The following CCDC12 variants were observed in gnomAD, a reference collection of about 807,000 sequenced individuals.
CCDC12 encodes coiled-coil domain-containing protein 12.
CCDC12 carries 28 observed loss-of-function variants against 25.7 expected under a neutral mutation model. That is an observed-to-expected ratio of 1.09 (90% CI 0.81 to 1.50). The LOEUF (loss-of-function observed/expected upper bound fraction) is 1.50. Ranked by LOEUF, CCDC12 falls within the 40% of genes most tolerant of loss-of-function variation. The probability of loss-of-function intolerance (pLI) is 0.00; values close to 1 mark genes in which losing one functional copy is unlikely to be tolerated. For missense variants in CCDC12, 198 were observed against 210.0 expected (o/e 0.94, Z 0.35); for synonymous variants, 75 against 87.7 (o/e 0.86, Z 0.81).
chr3:46,975,854 T>G (rs1203752168), intron 1 of CCDC12, among the ~76,000 whole-genome samples: 1 of 143,448 alleles, frequency 7.0e-6, no homozygotes, highest in Non-Finnish European at 1.5e-5. Flanking sequence ...TTTTTTTTTT[T>G]TTTTTTTTTG....
chr3:46,936,534 G>A (rs2033448574), intron 2 of CCDC12, among the ~76,000 whole-genome samples: 1 of 152,168 alleles, frequency 6.6e-6, no homozygotes, highest in Non-Finnish European at 1.5e-5. Flanking sequence ...TGAAGATTCT[G>A]CGGCTCACTG....
intron 2 of CCDC12, among the ~76,000 whole-genome samples, chr3:46,930,882 C>A (rs1220412432): frequency 1.3e-5 from 2 of 152,160 alleles, no homozygotes; most frequent in Admixed American, 6.5e-5. Context: ...GCAGGCCCCA[C>A]TCCATGCACG....
At chr3:46,961,036 G>T (rs371189987) in intron 1 of CCDC12, among the ~76,000 whole-genome samples, 8 of 151,752 alleles carry the variant, frequency 5.3e-5, no homozygotes, top group Non-Finnish European at 8.8e-5. Flanking sequence ...GTACTATTGT[G>T]GGGGGAAGTG....
intron 4 of CCDC12, 87 bp downstream of exon 4, chr3:46,923,520 G>A: frequency 6.8e-7 from 1 of 1,477,994 alleles, no homozygotes; most frequent in Non-Finnish European, 9.3e-7. Context: ...GTGACGAGAA[G>A]GAATGGGGGG....
intron 2 of CCDC12, among the ~76,000 whole-genome samples, chr3:46,937,338 C>G (rs2107129073): frequency 6.6e-6 from 1 of 152,360 alleles, no homozygotes; most frequent in Middle Eastern, 3.4e-3. Flanking sequence ...CCTTGTCCCA[C>G]TGAAGGCAGG....
chr3:46,971,923 G>T (rs918189027), intron 1 of CCDC12, among the ~76,000 whole-genome samples: 10 of 152,136 alleles, frequency 6.6e-5, no homozygotes, highest in Non-Finnish European at 1.5e-4. Context: ...GACTCAAGGG[G>T]TTTTATCTGG....
intron 1 of CCDC12, among the ~76,000 whole-genome samples, chr3:46,964,713 C>A (rs905390752): frequency 2.6e-5 from 4 of 152,078 alleles, no homozygotes; most frequent in Non-Finnish European, 5.9e-5. Flanking sequence ...GGATTAAGGG[C>A]GGTGCAAGAT....
intron 1 of CCDC12, among the ~76,000 whole-genome samples, chr3:46,956,504 A>AG (rs1307046915): frequency 6.6e-6 from 1 of 152,222 alleles, no homozygotes; most frequent in Non-Finnish European, 1.5e-5. Context: ...CAGGGCAGGC[A>AG]GGATAGGAAG....
At chr3:46,963,654 C>T (rs1314739297) in intron 1 of CCDC12, among the ~76,000 whole-genome samples, 6 of 152,374 alleles carry the variant, frequency 3.9e-5, no homozygotes, top group South Asian at 2.1e-4. Flanking sequence ...GACCGGGTTT[C>T]GCTGTGTTGG....
chr3:46,970,488 G>A (rs1173078399), intron 1 of CCDC12, among the ~76,000 whole-genome samples: 1 of 152,164 alleles, frequency 6.6e-6, no homozygotes, highest in African/African-American at 2.4e-5. Context: ...ACTAGACAGT[G>A]CAGATTAAAG....
At chr3:46,925,610 G>T in intron 2 of CCDC12, 75 bp from the exon 3 acceptor site, 1 of 1,230,576 alleles carries the variant, frequency 8.1e-7, no homozygotes, top group Non-Finnish European at 1.1e-6. Flanking sequence ...CATACAATTT[G>T]CATAGCCCGT....
intron 1 of CCDC12, among the ~76,000 whole-genome samples, chr3:46,968,871 T>C (rs1170054036): frequency 6.6e-6 from 1 of 152,212 alleles, no homozygotes; most frequent in Non-Finnish European, 1.5e-5. Flanking sequence ...CAGGGTTTCC[T>C]GGTCTATCAG....
At chr3:46,927,590 T>G (rs190804256) in intron 2 of CCDC12, among the ~76,000 whole-genome samples, 1 of 152,178 alleles carries the variant, frequency 6.6e-6, no homozygotes, top group Non-Finnish European at 1.5e-5. Context: ...TTGCGCCCAC[T>G]GTGCCCTGCC....
chr3:46,932,988 G>A (rs1393826191), intron 2 of CCDC12, among the ~76,000 whole-genome samples: 2 of 152,218 alleles, frequency 1.3e-5, no homozygotes, highest in East Asian at 1.9e-4. Context: ...GCCTAGGGGT[G>A]GACCCCACAC....
At chr3:46,957,829 G>A (rs2034339964) in intron 1 of CCDC12, among the ~76,000 whole-genome samples, 1 of 152,026 alleles carries the variant, frequency 6.6e-6, no homozygotes. Flanking sequence ...TGTAATCCCA[G>A]CTTCTCGGGA....
intron 2 of CCDC12, among the ~76,000 whole-genome samples, chr3:46,931,313 C>CTTTAGGGGTGA (rs2033203248): frequency 6.6e-6 from 1 of 152,144 alleles, no homozygotes; most frequent in Non-Finnish European, 1.5e-5. Flanking sequence ...CCCTAGGGTG[C>CTTTAGGGGTGA]TTTTTCACAT....
intron 1 of CCDC12, among the ~76,000 whole-genome samples, chr3:46,956,162 A>T (rs1208071872): frequency 6.6e-6 from 1 of 152,202 alleles, no homozygotes; most frequent in African/African-American, 2.4e-5. Flanking sequence ...CTTACACCAA[A>T]TGAGAAAAAT....
intron 2 of CCDC12, among the ~76,000 whole-genome samples, chr3:46,936,603 G>A (rs910513101): frequency 3.9e-5 from 6 of 152,156 alleles, no homozygotes; most frequent in Admixed American, 1.3e-4. Context: ...CCTCAAACCC[G>A]GGAACTGCTT....
intron 2 of CCDC12, among the ~76,000 whole-genome samples, chr3:46,937,343 G>A (rs2033486911): frequency 1.3e-5 from 2 of 152,212 alleles, no homozygotes; most frequent in South Asian, 4.1e-4. Context: ...TCCCACTGAA[G>A]GCAGGACAGT....
Sources: gnomAD v4.1 joint callset for allele counts (sites outside exome capture counted in the v4.1 genomes callset) on GRCh38, gnomAD v4.1.1 for gene constraint, MANE v1.5 for transcripts, NCBI Gene and HGNC (gene_info 2026-07-23, HGNC 2026-07-21) for gene names.